The following DOCK3 variants were observed in gnomAD, a reference collection of about 807,000 sequenced individuals.
The protein encoded by DOCK3 is dedicator of cytokinesis 3.
Under a neutral mutation model 265.6 loss-of-function variants are expected in DOCK3, and 60 were observed. The ratio of observed to expected loss-of-function variants is 0.23; its 90% confidence interval spans 0.18 to 0.28. The LOEUF is 0.28. Ranked by LOEUF, DOCK3 falls within the 10% of genes least tolerant of loss-of-function variation. The probability of loss-of-function intolerance (pLI) is 1.00; values close to 1 mark genes in which losing one functional copy is unlikely to be tolerated. For missense variants in DOCK3, 1,981 were observed against 2,594.3 expected, an observed-to-expected ratio of 0.76 and a Z score of 5.14; for synonymous variants, 881 against 938.0, an observed-to-expected ratio of 0.94 and a Z score of 1.11.
chr3:51,352,352 C>A (rs1483106231), intron 40 of DOCK3, among the ~76,000 whole-genome samples: 2 of 152,120 alleles, frequency 1.3e-5, no homozygotes, highest in Non-Finnish European at 2.9e-5. Flanking sequence ...TCTGTTCTGC[C>A]AAGCAGGAAT....
At chr3:50,684,671 A>G (rs972250159) in intron 1 of DOCK3, among the ~76,000 whole-genome samples, 5 of 152,248 alleles carry the variant, frequency 3.3e-5, no homozygotes, top group Non-Finnish European at 7.3e-5. Flanking sequence ...ACTTATCCCG[A>G]CAATACTTCT....
At chr3:50,839,733 CCTCCCCTCCCCTCCT>C (rs2045720581) in intron 2 of DOCK3, among the ~76,000 whole-genome samples, 1 of 45,166 alleles carries the variant, frequency 2.2e-5, no homozygotes, top group Non-Finnish European at 4.3e-5. Context: ...CCTCCCCTCC[CCTCCCCTCCCCTCCT>C]CTCCCCTCCC....
At chr3:51,271,074 A>G in intron 24 of DOCK3, 67 bp downstream of exon 24, 1 of 1,487,556 alleles carries the variant, frequency 6.7e-7, no homozygotes, top group Non-Finnish European at 9.1e-7. Context: ...CAGGGGTGAT[A>G]GCAAAGTGAT....
At chr3:51,234,758 T>C (rs1286630880) in intron 19 of DOCK3, among the ~76,000 whole-genome samples, 1 of 152,162 alleles carries the variant, frequency 6.6e-6, no homozygotes, top group Non-Finnish European at 1.5e-5. Context: ...ATTTCCTATC[T>C]AATGGCTTTA....
At chr3:51,044,742 T>C (rs998883513) in intron 5 of DOCK3, among the ~76,000 whole-genome samples, 1 of 152,170 alleles carries the variant, frequency 6.6e-6, no homozygotes, top group Non-Finnish European at 1.5e-5. Flanking sequence ...AGCTTCTCCA[T>C]CAGCACTTGC....
At chr3:50,972,731 G>A (rs1219975084) in intron 5 of DOCK3, among the ~76,000 whole-genome samples, 2 of 152,276 alleles carry the variant, frequency 1.3e-5, no homozygotes, top group South Asian at 2.1e-4. Flanking sequence ...TTTCCTGGTG[G>A]ATTTATTTCT....
intron 5 of DOCK3, among the ~76,000 whole-genome samples, chr3:50,938,359 G>A (rs906565345): frequency 3.3e-5 from 5 of 152,046 alleles, no homozygotes; most frequent in African/African-American, 7.2e-5. Context: ...TTAGTAATCC[G>A]TATAACCACT....
chr3:51,329,993 A>T, intron 32 of DOCK3, 145 bp from the exon 33 acceptor site: 1 of 786,708 alleles, frequency 1.3e-6, no homozygotes, highest in East Asian at 2.7e-5. Flanking sequence ...TGCTATAGGT[A>T]AAATACTACC....
intron 26 of DOCK3, among the ~76,000 whole-genome samples, chr3:51,279,394 C>T (rs1194453285): frequency 2.0e-5 from 3 of 152,178 alleles, no homozygotes; most frequent in African/African-American, 7.2e-5. Context: ...AAGGAGGCAA[C>T]TAAGAGGAGG....
At chr3:50,720,987 C>T (rs566207667) in intron 1 of DOCK3, among the ~76,000 whole-genome samples, 1 of 151,498 alleles carries the variant, frequency 6.6e-6, no homozygotes, top group South Asian at 2.1e-4. Flanking sequence ...TGCTTGTTGG[C>T]TGAGTGTGTG....
intron 23 of DOCK3, among the ~76,000 whole-genome samples, chr3:51,262,245 AGC>A (rs2079894843): frequency 6.6e-6 from 1 of 152,228 alleles, no homozygotes; most frequent in Non-Finnish European, 1.5e-5. Context: ...GCTGTTCTGC[AGC>A]CTCTGCTGGT....
intron 5 of DOCK3, among the ~76,000 whole-genome samples, chr3:50,949,820 T>G (rs9838449): frequency 1.3e-5 from 2 of 152,108 alleles, no homozygotes; most frequent in Non-Finnish European, 2.9e-5. Flanking sequence ...TATTTGTTCT[T>G]CTTGCTCTTG....
intron 2 of DOCK3, among the ~76,000 whole-genome samples, chr3:50,811,786 T>G (rs2043774381): frequency 1.3e-5 from 2 of 152,208 alleles, no homozygotes; most frequent in Admixed American, 1.3e-4. Flanking sequence ...CTAAATATAT[T>G]GTTATAACAG....
At chr3:51,147,784 A>G (rs1030024919) in intron 10 of DOCK3, among the ~76,000 whole-genome samples, 4 of 152,218 alleles carry the variant, frequency 2.6e-5, no homozygotes, top group African/African-American at 9.7e-5. Flanking sequence ...TATTGTGAAT[A>G]GCGCCTCAAT....
intron 1 of DOCK3, among the ~76,000 whole-genome samples, chr3:50,711,881 A>G (rs968542874): frequency 6.6e-5 from 10 of 152,146 alleles, no homozygotes; most frequent in African/African-American, 2.4e-4. Flanking sequence ...AGGCATATTC[A>G]GATTTTCTAT....
intron 2 of DOCK3, among the ~76,000 whole-genome samples, chr3:50,780,697 A>G (rs1559628900): frequency 1.3e-5 from 2 of 152,290 alleles, no homozygotes; most frequent in Middle Eastern, 3.4e-3. Flanking sequence ...AGAAAGTTCA[A>G]TATTTTCCTT....
intron 28 of DOCK3, among the ~76,000 whole-genome samples, chr3:51,310,747 A>G (rs2083024061): frequency 6.6e-6 from 1 of 152,188 alleles, no homozygotes; most frequent in Non-Finnish European, 1.5e-5. Context: ...CTGACATAGA[A>G]TTTACTCTAA....
At chr3:51,003,875 C>T (rs1267130270) in intron 5 of DOCK3, among the ~76,000 whole-genome samples, 1 of 152,116 alleles carries the variant, frequency 6.6e-6, no homozygotes, top group Non-Finnish European at 1.5e-5. Context: ...CTGCTAGCCA[C>T]TATAGGATAT....
At chr3:51,140,249 C>T (rs902420890) in intron 9 of DOCK3, among the ~76,000 whole-genome samples, 2 of 152,106 alleles carry the variant, frequency 1.3e-5, no homozygotes, top group Non-Finnish European at 2.9e-5. Flanking sequence ...ATTTAATAGT[C>T]ACTCCATTTC....
Sources: allele counts gnomAD v4.1 joint callset (sites outside exome capture counted in the v4.1 genomes callset), GRCh38; gene constraint gnomAD v4.1.1; transcripts MANE v1.5; gene names NCBI Gene and HGNC (gene_info 2026-07-23, HGNC 2026-07-21).